RAB7A: variants seen among roughly 807,000 people sequenced by gnomAD.
RAB7A encodes the protein ras-related protein Rab-7a.
In RAB7A, 2 loss-of-function variants were observed where a neutral mutation model predicts 24.5. That is an observed-to-expected ratio of 0.08 (90% confidence interval 0.03 to 0.26). The LOEUF (loss-of-function observed/expected upper bound fraction) is 0.26, where lower values mean the gene tolerates loss of function less well. Ranked by LOEUF, RAB7A falls within the 10% of genes least tolerant of loss-of-function variation. RAB7A has a pLI of 1.00. For synonymous variants in RAB7A, 100 were observed against 95.9 expected (o/e 1.04, Z -0.25); for missense variants, 118 against 255.7 (o/e 0.46, Z 3.67).
chr3:128,765,207 G>A (rs962513600), intron 1 of RAB7A, among the ~76,000 whole-genome samples: 3 of 152,164 alleles, frequency 2.0e-5, no homozygotes, highest in Admixed American at 1.3e-4. Context: ...GACTCTCGGC[G>A]AAGAATGTCT....
intron 3 of RAB7A, chr3:128,799,187 A>G (rs1933641601): frequency 6.6e-6 from 1 of 152,350 alleles, no homozygotes; most frequent in South Asian, 2.1e-4. Flanking sequence ...TGAGAGCATC[A>G]GCCAAGACGT....
chr3:128,809,491 C>T (rs1933872496), intron 5 of RAB7A, among the ~76,000 whole-genome samples: 1 of 152,188 alleles, frequency 6.6e-6, no homozygotes, highest in Non-Finnish European at 1.5e-5. Context: ...GGTTGGGCCT[C>T]TCTCAGTTCT....
intron 1 of RAB7A, chr3:128,764,985 C>G: frequency 6.3e-7 from 1 of 1,595,422 alleles, no homozygotes; most frequent in Non-Finnish European, 8.5e-7. Context: ...GGTGGTAGTT[C>G]TGGCGCACCT....
At chr3:128,751,571 T>C (rs564796283) in intron 1 of RAB7A, among the ~76,000 whole-genome samples, 27 of 152,362 alleles carry the variant, frequency 1.8e-4, no homozygotes, top group Non-Finnish European at 3.2e-4. Flanking sequence ...TTACCTCCAT[T>C]GTAGCTTAGA....
At chr3:128,733,821 G>T (rs1348958134) in intron 1 of RAB7A, among the ~76,000 whole-genome samples, 1 of 152,196 alleles carries the variant, frequency 6.6e-6, no homozygotes, top group Non-Finnish European at 1.5e-5. Context: ...ATTTTAGGTG[G>T]ACACAGTTCA....
chr3:128,779,449 G>A (rs73198838), intron 1 of RAB7A, among the ~76,000 whole-genome samples: 6,317 of 152,062 alleles, frequency 0.042, 180 homozygotes, highest in Non-Finnish European at 0.058. Context: ...TGAGTTTCAG[G>A]TGCTTTGGTT....
intron 1 of RAB7A, chr3:128,785,325 G>A (rs368303224): frequency 1.4e-4 from 22 of 152,306 alleles, no homozygotes; most frequent in East Asian, 1.2e-3. Context: ...CCCAGGGAGG[G>A]TGAACCGGCC....
intron 1 of RAB7A, chr3:128,764,520 C>G: frequency 2.3e-6 from 2 of 867,846 alleles, no homozygotes; most frequent in Non-Finnish European, 3.9e-6. Context: ...TATATTCTGC[C>G]AAGCCAGATT....
At chr3:128,778,339 C>G (rs1933141527) in intron 1 of RAB7A, among the ~76,000 whole-genome samples, 1 of 152,082 alleles carries the variant, frequency 6.6e-6, no homozygotes, top group Non-Finnish European at 1.5e-5. Context: ...ACCCCTAAGC[C>G]TTTTTAGACC....
chr3:128,761,577 C>T (rs371213992), intron 1 of RAB7A, among the ~76,000 whole-genome samples: 3 of 152,108 alleles, frequency 2.0e-5, no homozygotes, highest in Non-Finnish European at 4.4e-5. Context: ...TCTGAACAGG[C>T]CTTATGTACC....
At chr3:128,760,762 T>C (rs956463923) in intron 1 of RAB7A, among the ~76,000 whole-genome samples, 1 of 152,246 alleles carries the variant, frequency 6.6e-6, no homozygotes, top group South Asian at 2.1e-4. Context: ...TATAAACATA[T>C]GGAACTAGTG....
At chr3:128,735,717 G>A (rs1264670981) in intron 1 of RAB7A, among the ~76,000 whole-genome samples, 1 of 152,152 alleles carries the variant, frequency 6.6e-6, no homozygotes, top group Non-Finnish European at 1.5e-5. Context: ...CCCATTGTGG[G>A]CTCCTCTTAG....
At chr3:128,806,045 C>G (rs1188911695) in intron 3 of RAB7A, among the ~76,000 whole-genome samples, 1 of 152,130 alleles carries the variant, frequency 6.6e-6, no homozygotes, top group Non-Finnish European at 1.5e-5. Flanking sequence ...CAGAAAGTTC[C>G]CAGAGTACCT....
At chr3:128,788,478 T>C (rs1322787904) in intron 1 of RAB7A, among the ~76,000 whole-genome samples, 1 of 152,210 alleles carries the variant, frequency 6.6e-6, no homozygotes, top group Non-Finnish European at 1.5e-5. Flanking sequence ...ATTAAATTTG[T>C]AGGTGGAAAA....
intron 5 of RAB7A, among the ~76,000 whole-genome samples, chr3:128,808,477 C>T (rs1014639681): frequency 6.6e-6 from 1 of 152,208 alleles, no homozygotes; most frequent in Non-Finnish European, 1.5e-5. Flanking sequence ...ACAGACTCTT[C>T]CAGCTCTCAC....
chr3:128,814,402 A>G lies in RAB7A; in HGVS notation c.*980A>G, dbSNP rs1364183965. On this transcript the variant is annotated 3_prime_UTR_variant, in exon 6 of 6. Transcript: ENST00000265062. ...CGTTATTTCAAAAATTAAAATTCTC[A>G]TTTTCTTTCTTTTTTTTCCCCCCTG... The G allele has an allele frequency of 6.6e-6, 1 of 152,230 alleles. No individual in the cohort carries two copies. Among genetic ancestry groups the G allele is most frequent in the Non-Finnish European group, 1.5e-5 (1 of 67,968 alleles). The allele number at this position is 152,230 out of a possible 1,614,324, so 9.4% of individuals were successfully genotyped here.
At chr3:128,763,830 AT>A (rs543909568) in intron 1 of RAB7A, among the ~76,000 whole-genome samples, 54 of 147,502 alleles carry the variant, frequency 3.7e-4, no homozygotes, top group African/African-American at 1.3e-3. Flanking sequence ...TTTTAAATAC[AT>A]TCCTTCTACT....
intron 1 of RAB7A, among the ~76,000 whole-genome samples, chr3:128,736,133 A>G (rs146995509): frequency 1.4e-4 from 21 of 152,070 alleles, no homozygotes; most frequent in African/African-American, 4.8e-4. Context: ...AAACTTCACA[A>G]TTTAAGCAGC....
At chr3:128,789,258 C>G (rs1355854249) in intron 1 of RAB7A, among the ~76,000 whole-genome samples, 1 of 151,420 alleles carries the variant, frequency 6.6e-6, no homozygotes. Context: ...GCTGCAGATT[C>G]TCCTGTGAGA....
Sources: allele counts gnomAD v4.1 joint callset (sites outside exome capture counted in the v4.1 genomes callset), GRCh38; gene constraint gnomAD v4.1.1; transcripts MANE v1.5; gene names NCBI Gene and HGNC (gene_info 2026-07-23, HGNC 2026-07-21).